Variants in TMPRSS9 observed in about 807,000 individuals in gnomAD.
TMPRSS9 encodes the protein transmembrane protease serine 9.
In TMPRSS9, 113 loss-of-function variants were observed where a neutral mutation model predicts 111.4. That is an observed-to-expected ratio of 1.01 (90% confidence interval 0.87 to 1.19). The LOEUF (loss-of-function observed/expected upper bound fraction) is 1.19. Ranked by LOEUF, TMPRSS9 falls within the 50% of genes most tolerant of loss-of-function variation. TMPRSS9 has a pLI of 0.00. For missense variants in TMPRSS9, 1,803 were observed against 1,513.1 expected, an observed-to-expected ratio of 1.19 and a Z score of -3.18; for synonymous variants, 805 against 659.1, an observed-to-expected ratio of 1.22 and a Z score of -3.39.
chr19:2,407,608 C>CTTTTCT (rs1599301337), intron 7 of TMPRSS9, among the ~76,000 whole-genome samples: 4 of 98,404 alleles, frequency 4.1e-5, no homozygotes, highest in East Asian at 2.9e-4. Flanking sequence ...CTTTTCTTTT[C>CTTTTCT]TTTTTTTTTT....
At chr19:2,391,362 GT>G (rs372470176) in intron 1 of TMPRSS9, among the ~76,000 whole-genome samples, 7,100 of 142,746 alleles carry the variant, frequency 0.05, 553 homozygotes, top group African/African-American at 0.17. Context: ...ATCCTCCTAG[GT>G]TTTTTTTTTT....
chr19:2,362,644 TGGA>T (rs1568463878), intron 1 of TMPRSS9, among the ~76,000 whole-genome samples: 3 of 152,110 alleles, frequency 2.0e-5, no homozygotes, highest in African/African-American at 4.8e-5. Context: ...CTGTGTATGG[TGGA>T]GTTGTGATTG....
chr19:2,413,883 A>G (rs2145369722), exon 10 of TMPRSS9: 1 of 1,613,398 alleles, frequency 6.2e-7, no homozygotes, highest in Non-Finnish European at 8.5e-7. Context: ...GGCCCCCACC[A>G]TGGCTCCTGC....
At chr19:2,369,365 A>G (rs1970272199) in intron 1 of TMPRSS9, among the ~76,000 whole-genome samples, 1 of 152,100 alleles carries the variant, frequency 6.6e-6, no homozygotes, top group Non-Finnish European at 1.5e-5. Context: ...CTGAGGAGGG[A>G]TATGAGAGCT....
chr19:2,382,586 GCACATGCACACACACACAGA>G (rs894320697), intron 1 of TMPRSS9, among the ~76,000 whole-genome samples: 6 of 130,572 alleles, frequency 4.6e-5, no homozygotes, highest in South Asian at 2.3e-4. Context: ...ACACACAGAT[GCACATGCACACACACACAGA>G]CACATGCACA....
At chr19:2,388,646 G>C (rs1022745096), upstream of TMPRSS9, among the ~76,000 whole-genome samples, 17 of 152,186 alleles carry the variant, frequency 1.1e-4, no homozygotes, top group Admixed American at 1.0e-3. Context: ...TTTGAGACAG[G>C]GTCTGGCTCT....
At chr19:2,413,913 G>A (rs10153474) in exon 10 of TMPRSS9, 69,912 of 1,612,618 alleles carry the variant, frequency 0.043, 1,759 homozygotes, top group Non-Finnish European at 0.048. Flanking sequence ...CCCCAGCACA[G>A]CCTGGCCCAC....
chr19:2,362,146 GTGAT>G (rs1223795967), intron 1 of TMPRSS9, among the ~76,000 whole-genome samples: 10 of 152,128 alleles, frequency 6.6e-5, no homozygotes, highest in African/African-American at 1.7e-4. Flanking sequence ...GTGTAATTGT[GTGAT>G]TGTGTATGGT....
chr19:2,367,397 T>C (rs12461457), intron 1 of TMPRSS9, among the ~76,000 whole-genome samples: 53,147 of 151,570 alleles, frequency 0.35, 10,327 homozygotes, highest in Non-Finnish European at 0.44. Flanking sequence ...AAAATGCTTA[T>C]GTACTTTTTT....
At chr19:2,416,141 A>C in intron 11 of TMPRSS9, 1 of 423,582 alleles carries the variant, frequency 2.4e-6, no homozygotes, top group Non-Finnish European at 4.2e-6. Flanking sequence ...CAGGAGCGTG[A>C]GGCAGGAGAA....
intron 1 of TMPRSS9, among the ~76,000 whole-genome samples, chr19:2,382,869 G>T (rs1364122675): frequency 6.6e-6 from 1 of 152,148 alleles, no homozygotes; most frequent in African/African-American, 2.4e-5. Flanking sequence ...TTGAGGGGCT[G>T]CAGGTCTGGA....
In TMPRSS9 at chr19:2,381,847, C is replaced by T. The variant is rs111777230; in HGVS notation, c.-25-7914C>T. ...GTATTCATTCATTCATTCATTCATTCATTCATTTATTTTGAGACGGAGTCT... is the reference window on the plus strand; with the variant it reads ...GTATTCATTCATTCATTCATTCATTTATTCATTTATTTTGAGACGGAGTCT... On this transcript the variant is annotated intron_variant, in intron 1 of 17. Transcript: ENST00000649857. Among the ~76,000 whole-genome samples the T allele has an allele frequency of 4.6e-5, 5 of 108,756 alleles. No individual in the cohort carries two copies. The Admixed American group carries it at 5.3e-4, about 11-fold the overall frequency. The allele number at this position is 108,756 out of a possible 152,430, so 71.3% of individuals were successfully genotyped here. A position where few individuals can be genotyped will look rare whatever the true frequency, so the allele number is the denominator to read the frequency against.
At chr19:2,374,905 G>A (rs1970319852) in intron 1 of TMPRSS9, among the ~76,000 whole-genome samples, 2 of 152,054 alleles carry the variant, frequency 1.3e-5, no homozygotes, top group African/African-American at 4.8e-5. Context: ...CCTGCTCTCC[G>A]CTTCGGTTTG....
upstream of TMPRSS9, among the ~76,000 whole-genome samples, chr19:2,385,027 C>G (rs976305110): frequency 1.1e-4 from 17 of 150,846 alleles, no homozygotes; most frequent in African/African-American, 3.9e-4. Flanking sequence ...GTGGCCTACA[C>G]CTGTAATCCT....
chr19:2,424,150 G>T, exon 15 of TMPRSS9: 1 of 1,452,238 alleles, frequency 6.9e-7, no homozygotes. Flanking sequence ...CGGGCCGTGG[G>T]GAGTGGCCGT....
Position 2,415,753 on chromosome 19 carries a change from G to A in TMPRSS9, c.1657G>A (p.Val553Ile), listed in dbSNP as rs750042292. The A allele has an allele frequency of 6.2e-6, 10 of 1,610,638 alleles. No homozygotes were observed. In the East Asian group the frequency reaches 2.2e-4, roughly 36 times the overall value. ...TGCCTCCGGGGAGGTGCCCTGGCAG[G>A]TCAGCCTGAAGGAAGGGTCCCGGCA... Residue 553 changes from valine (V) to isoleucine (I), a missense_variant, in exon 11 of 18, where the codon GTC becomes ATC. Transcript: ENST00000648592.
intron 1 of TMPRSS9, among the ~76,000 whole-genome samples, chr19:2,392,279 G>A (rs1457073006): frequency 1.3e-5 from 2 of 152,136 alleles, no homozygotes; most frequent in African/African-American, 4.8e-5. Flanking sequence ...AGTAGTCCCT[G>A]CTACTCGGGA....
At chr19:2,364,978 C>CAA (rs74649862) in intron 1 of TMPRSS9, among the ~76,000 whole-genome samples, 19 of 133,414 alleles carry the variant, frequency 1.4e-4, no homozygotes, top group South Asian at 2.5e-4. Flanking sequence ...GACTCCATCT[C>CAA]AAAAAAAAAA....
At chr19:2,361,003 C>G (rs1029464969) in intron 1 of TMPRSS9, among the ~76,000 whole-genome samples, 2 of 149,682 alleles carry the variant, frequency 1.3e-5, no homozygotes, top group Admixed American at 6.7e-5. Context: ...CCGAAGCCCT[C>G]CCCATCCCTG....
Sources: gnomAD v4.1 joint callset for allele counts (sites outside exome capture counted in the v4.1 genomes callset) on GRCh38, gnomAD v4.1.1 for gene constraint, MANE v1.5 for transcripts, NCBI Gene and HGNC (gene_info 2026-07-23, HGNC 2026-07-21) for gene names.